The following GPBP1L1 variants were observed in gnomAD, a reference collection of about 807,000 sequenced individuals.
GPBP1L1 encodes the protein vasculin-like protein 1.
In GPBP1L1, 23 loss-of-function variants were observed where a neutral mutation model predicts 52.5. That is an observed-to-expected ratio of 0.44 (90% confidence interval 0.32 to 0.62). The LOEUF is 0.62. Among genes scored for constraint, GPBP1L1 ranks in the 20% least tolerant of loss-of-function variants. The probability of loss-of-function intolerance (pLI) is 0.06; values close to 1 mark genes in which losing one functional copy is unlikely to be tolerated. For synonymous variants in GPBP1L1, 243 were observed against 203.1 expected, an observed-to-expected ratio of 1.20 and a Z score of -1.67; for missense variants, 596 against 579.3, an observed-to-expected ratio of 1.03 and a Z score of -0.30.
chr1:45,644,163 T>A (rs1644710296), intron 6 of GPBP1L1, among the ~76,000 whole-genome samples: 1 of 152,140 alleles, frequency 6.6e-6, no homozygotes, highest in Non-Finnish European at 1.5e-5. Flanking sequence ...ACCAACTCTC[T>A]ATATAAGTGG....
intron 8 of GPBP1L1, among the ~76,000 whole-genome samples, chr1:45,637,121 G>A (rs1462208292): frequency 6.6e-6 from 1 of 152,180 alleles, no homozygotes; most frequent in Non-Finnish European, 1.5e-5. Flanking sequence ...CCCAGGCAGA[G>A]AAGCACAATT....
intron 6 of GPBP1L1, chr1:45,651,682 T>A (rs1644821102): frequency 1.6e-6 from 1 of 616,426 alleles, no homozygotes. Context: ...AGGTGAGGTC[T>A]CTTTTGGGCT....
At chr1:45,646,846 C>G (rs927422266) in intron 6 of GPBP1L1, among the ~76,000 whole-genome samples, 3 of 152,034 alleles carry the variant, frequency 2.0e-5, no homozygotes, top group Admixed American at 6.6e-5. Context: ...TGTGAGCCAC[C>G]GTACCCGGCC....
chr1:45,655,209 A>T lies in GPBP1L1; in HGVS notation c.171T>A (p.Gly57=). 1 of 1,614,036 alleles carries T rather than the reference A, an allele frequency of 6.2e-7. No homozygotes were observed. The highest frequency in any genetic ancestry group is 8.5e-7 in the Non-Finnish European group (1 of 1,179,966). The change falls in exon 5 of 13, where the codon GGT becomes GGA. Residue 57 remains glycine (G), a synonymous_variant. Transcript: ENST00000355105. ...GCTCACCTCCTGCAGTTCGTAGGGGACCATTGTTAAAAAAACCATCAGAGG... is the reference window on the plus strand; with the variant it reads ...GCTCACCTCCTGCAGTTCGTAGGGGTCCATTGTTAAAAAAACCATCAGAGG... ...HNSSDGFFNN[G]PLRTAGDSWH...
At chr1:45,666,149 G>A (rs933461707) in intron 2 of GPBP1L1, among the ~76,000 whole-genome samples, 4 of 148,194 alleles carry the variant, frequency 2.7e-5, no homozygotes, top group African/African-American at 7.4e-5. Context: ...TTTTTTAGAC[G>A]GAGTCTTCTG....
At chr1:45,648,857 G>A (rs1487870496) in intron 6 of GPBP1L1, among the ~76,000 whole-genome samples, 3 of 151,970 alleles carry the variant, frequency 2.0e-5, no homozygotes, top group South Asian at 2.1e-4. Context: ...GCGAAATCCC[G>A]CCTCTACTAA....
intron 11 of GPBP1L1, among the ~76,000 whole-genome samples, chr1:45,629,989 C>T (rs995137407): frequency 4.6e-5 from 7 of 150,692 alleles, no homozygotes; most frequent in Admixed American, 4.0e-4. Context: ...CTCACTCTGT[C>T]ACCCAGGCTG....
In GPBP1L1 at chr1:45,654,712, T is replaced by A. The variant is rs762667229; in HGVS notation, c.308A>T (p.His103Leu). 3 of 1,614,078 alleles carry A rather than the reference T, an allele frequency of 1.9e-6. No homozygotes were observed. Among genetic ancestry groups the A allele is most frequent in the Middle Eastern group, 3.3e-4 (2 of 6,084 alleles). Residue 103 changes from histidine (H) to leucine (L), a missense_variant, in exon 6 of 13, where the codon CAT becomes CTT. His to Leu is a moderately conservative substitution (Grantham distance 99). Transcript: ENST00000355105. ...PSGWHSSSRG[H>L]DGMSQRSGGG... ...TCCACTACGTTGGCTCATGCCATCA[T>A]GACCTCGGGAAGAGCTATGCCAACC...
chr1:45,669,225 G>A (rs892789100), intron 2 of GPBP1L1, among the ~76,000 whole-genome samples: 1 of 152,120 alleles, frequency 6.6e-6, no homozygotes, highest in Non-Finnish European at 1.5e-5. Context: ...GAGTACATTG[G>A]CACAATCATA....
rs1644475573 is a variant in GPBP1L1, at chr1:45,627,827, A to G, written c.*429T>C. The G allele has an allele frequency of 6.5e-6, 1 of 153,226 alleles. No homozygotes were observed. Among genetic ancestry groups the G allele is most frequent in the Non-Finnish European group, 1.5e-5 (1 of 68,608 alleles). The allele number at this position is 153,226 out of a possible 1,614,324, so 9.5% of individuals were successfully genotyped here. On this transcript the variant is annotated 3_prime_UTR_variant, in exon 13 of 13. Transcript: ENST00000355105. ...AATAAAATAAAATATCCAAATTATTAGCATTAATTTAATACAATTATAACT... is the reference window on the plus strand; with the variant it reads ...AATAAAATAAAATATCCAAATTATTGGCATTAATTTAATACAATTATAACT...
intron 6 of GPBP1L1, among the ~76,000 whole-genome samples, chr1:45,646,916 A>T (rs1233921812): frequency 6.6e-6 from 1 of 151,990 alleles, no homozygotes; most frequent in Admixed American, 6.6e-5. Flanking sequence ...CGGGGTGGGA[A>T]GATCCTATTA....
intron 11 of GPBP1L1, 162 bp from the exon 12 acceptor site, chr1:45,629,840 G>T: frequency 1.7e-6 from 1 of 595,820 alleles, no homozygotes; most frequent in East Asian, 2.8e-5. Flanking sequence ...GTGGCTACCT[G>T]GGTGCTGTAA....
intron 2 of GPBP1L1, among the ~76,000 whole-genome samples, chr1:45,684,078 T>G (rs1312200808): frequency 6.6e-6 from 1 of 151,216 alleles, no homozygotes; most frequent in Non-Finnish European, 1.5e-5. Flanking sequence ...GCCAACATGG[T>G]GAAACCCATC....
intron 1 of GPBP1L1, 99 bp from the exon 2 acceptor site, chr1:45,685,719 G>C (rs1645272609): frequency 6.6e-6 from 1 of 152,202 alleles, no homozygotes; most frequent in South Asian, 2.1e-4. Context: ...TCGAAGGGCA[G>C]GGCACTTCCC....
chr1:45,667,562 C>T (rs1351753500), intron 2 of GPBP1L1, among the ~76,000 whole-genome samples: 1 of 152,162 alleles, frequency 6.6e-6, no homozygotes, highest in African/African-American at 2.4e-5. Flanking sequence ...TACAACACTA[C>T]CAGTGCTCTT....
upstream of GPBP1L1, chr1:45,687,380 G>C (rs1433999930): frequency 6.6e-6 from 1 of 152,288 alleles, no homozygotes; most frequent in Non-Finnish European, 1.5e-5. Context: ...ACTTCGCTGT[G>C]GCTCCATCCG....
rs564443839 is a variant in GPBP1L1, at chr1:45,647,293, C to A, written c.478-4794G>T. 1.8e-4 allele frequency among the ~76,000 whole-genome samples: 27 copies of A among 151,590 alleles called. No individual in the cohort carries two copies. In the South Asian group the frequency reaches 4.8e-3, roughly 27 times the overall value. On this transcript the variant is annotated intron_variant, in intron 6 of 12. Transcript: ENST00000355105. ...TTACGTTCTTTAATGTCCTGGTTATCTTCTCCCTACCGCTTTTATCTGAAC... is the reference window on the plus strand; with the variant it reads ...TTACGTTCTTTAATGTCCTGGTTATATTCTCCCTACCGCTTTTATCTGAAC...
At position 45,655,281 on chromosome 1, in the gene GPBP1L1, T is replaced by C; in HGVS notation, c.99A>G (p.Leu33=). ...CTCCAAATCTACCTTCTCCTCTGGG[T>C]AGGTGCTCTCCGTGTTTTTCGAAGG... ...TATFEKHGEH[L]PRGEGRFGVS... Residue 33 remains leucine (L), a synonymous_variant, in exon 5 of 13, where the codon CTA becomes CTG. Coordinates refer to ENST00000355105, the MANE Select transcript of GPBP1L1 (RefSeq NM_021639.5). 3.1e-6 allele frequency: 5 copies of C among 1,613,948 alleles called. No individual in the cohort carries two copies. Among genetic ancestry groups the C allele is most frequent in the Non-Finnish European group, 4.2e-6 (5 of 1,179,858 alleles).
chr1:45,653,649 T>C (rs1644847277), intron 6 of GPBP1L1, among the ~76,000 whole-genome samples: 1 of 152,022 alleles, frequency 6.6e-6, no homozygotes, highest in African/African-American at 2.4e-5. Context: ...CATGAGCCAC[T>C]ATGCCTGGCC....
Sources: allele counts gnomAD v4.1 joint callset (sites outside exome capture counted in the v4.1 genomes callset), GRCh38; gene constraint gnomAD v4.1.1; transcripts MANE v1.5; gene names NCBI Gene and HGNC (gene_info 2026-07-23, HGNC 2026-07-21).